Variants in ASAP1 observed in about 807,000 individuals in gnomAD.
The protein encoded by ASAP1 is ArfGAP with SH3 domain, ankyrin repeat and PH domain 1, also known as arf-GAP with SH3 domain, ANK repeat and PH domain-containing protein 1.
A neutral mutation model predicts 145.2 loss-of-function variants in ASAP1; 43 were observed. The observed-to-expected ratio is 0.30, with a 90% CI of 0.23 to 0.38. The LOEUF (loss-of-function observed/expected upper bound fraction) is 0.38. ASAP1 is among the 10% of genes least tolerant of loss of function. The pLI is 1.00. For synonymous variants in ASAP1, 546 were observed against 515.5 expected (o/e 1.06, Z -0.80); for missense variants, 1,018 against 1,355.3 (o/e 0.75, Z 3.91).
chr8:130,161,570 G>GT (rs2136027798), intron 11 of ASAP1, among the ~76,000 whole-genome samples: 1 of 152,178 alleles, frequency 6.6e-6, no homozygotes, highest in East Asian at 1.9e-4. Flanking sequence ...TCTTGTGTAG[G>GT]TAACTGGGAG....
chr8:130,138,765 G>A (rs987385605), intron 13 of ASAP1, among the ~76,000 whole-genome samples: 1 of 151,352 alleles, frequency 6.6e-6, no homozygotes, highest in Non-Finnish European at 1.5e-5. Context: ...GAACTTGGGA[G>A]GTGGAGGTTG....
intron 9 of ASAP1, chr8:130,179,049 G>A (rs1216605070): frequency 2.3e-6 from 1 of 428,882 alleles, no homozygotes; most frequent in Non-Finnish European, 4.2e-6. Flanking sequence ...TTCTTGTAAG[G>A]AAGACAATAT....
intron 13 of ASAP1, among the ~76,000 whole-genome samples, chr8:130,141,144 G>T (rs190417918): frequency 3.4e-4 from 52 of 152,220 alleles, no homozygotes; most frequent in Non-Finnish European, 6.5e-4. Flanking sequence ...CTTTCATATT[G>T]TTTAAGTACA....
At chr8:130,239,603 C>A (rs1179855333) in intron 3 of ASAP1, among the ~76,000 whole-genome samples, 1 of 152,022 alleles carries the variant, frequency 6.6e-6, no homozygotes, top group East Asian at 1.9e-4. Context: ...TGAGATAAAC[C>A]TGAGTTTTAA....
chr8:130,342,746 C>G lies in ASAP1; in HGVS notation c.186+15271G>C, dbSNP rs527484666. On this transcript the variant is annotated intron_variant, in intron 3 of 29. Coordinates refer to ENST00000518721, the MANE Select transcript of ASAP1 (RefSeq NM_018482.4). ...ACTTGACTTTTAAAAAAGATGCCAA[C>G]TCTCAGAAACAAGTTAAAGTTGCTT... Among the ~76,000 whole-genome samples the G allele has an allele frequency of 6.9e-5, 5 of 72,500 alleles. No homozygotes were observed. The East Asian group carries it at 1.2e-3, about 17-fold the overall frequency. The allele number at this position is 72,500 out of a possible 152,430, so 47.6% of individuals were successfully genotyped here. A position where few individuals can be genotyped will look rare whatever the true frequency, so the allele number is the denominator to read the frequency against.
At chr8:130,303,677 T>A (rs567727777) in intron 3 of ASAP1, among the ~76,000 whole-genome samples, 1 of 152,258 alleles carries the variant, frequency 6.6e-6, no homozygotes, top group Admixed American at 6.5e-5. Flanking sequence ...AAAGGCTACA[T>A]ACTTTACTTT....
At chr8:130,202,845 A>G (rs1284778704) in intron 5 of ASAP1, among the ~76,000 whole-genome samples, 1 of 152,182 alleles carries the variant, frequency 6.6e-6, no homozygotes, top group East Asian at 1.9e-4. Context: ...CAGTTGCTTA[A>G]CATATCTGTG....
At chr8:130,167,133 A>G (rs1399680956) in intron 11 of ASAP1, among the ~76,000 whole-genome samples, 1 of 152,004 alleles carries the variant, frequency 6.6e-6, no homozygotes, top group Non-Finnish European at 1.5e-5. Flanking sequence ...GTCAAACTCC[A>G]TCTCTACAAA....
At chr8:130,351,906 C>A (rs1826018218) in intron 3 of ASAP1, among the ~76,000 whole-genome samples, 1 of 152,220 alleles carries the variant, frequency 6.6e-6, no homozygotes, top group South Asian at 2.1e-4. Context: ...AGGCTTGTGC[C>A]TTGTTTTAGA....
intron 26 of ASAP1, among the ~76,000 whole-genome samples, chr8:130,078,445 C>T (rs1383030773): frequency 6.6e-6 from 1 of 151,970 alleles, no homozygotes; most frequent in Non-Finnish European, 1.5e-5. Flanking sequence ...TACCACCATA[C>T]CCGGCTGATT....
intron 3 of ASAP1, among the ~76,000 whole-genome samples, chr8:130,349,223 G>C (rs1825860110): frequency 6.6e-6 from 1 of 152,184 alleles, no homozygotes; most frequent in Admixed American, 6.5e-5. Flanking sequence ...AAAGTGTTTG[G>C]TGTTGCCCTA....
chr8:130,306,790 T>C (rs1823020682), intron 3 of ASAP1, among the ~76,000 whole-genome samples: 1 of 152,258 alleles, frequency 6.6e-6, no homozygotes, highest in Non-Finnish European at 1.5e-5. Context: ...TAACTTAACA[T>C]GTATTTGTAT....
At chr8:130,215,637 G>A (rs1001122383) in intron 4 of ASAP1, among the ~76,000 whole-genome samples, 27 of 152,026 alleles carry the variant, frequency 1.8e-4, no homozygotes, top group African/African-American at 6.3e-4. Context: ...CCAGCTACTC[G>A]GGAGGCGGAG....
At chr8:130,143,720 A>G (rs2097619176) in intron 13 of ASAP1, among the ~76,000 whole-genome samples, 1 of 152,226 alleles carries the variant, frequency 6.6e-6, no homozygotes, top group South Asian at 2.1e-4. Context: ...GTCAATCCCA[A>G]TTAATGTTTC....
intron 18 of ASAP1, among the ~76,000 whole-genome samples, chr8:130,122,986 G>C (rs1490764209): frequency 6.6e-6 from 1 of 152,234 alleles, no homozygotes; most frequent in Non-Finnish European, 1.5e-5. Flanking sequence ...AGCTGGTAAA[G>C]TAAAACTTAG....
intron 3 of ASAP1, among the ~76,000 whole-genome samples, chr8:130,276,728 A>ACTCTCTCTCTCTCTCT (rs10678909): frequency 2.9e-4 from 25 of 87,308 alleles, no homozygotes; most frequent in Middle Eastern, 8.6e-3. Context: ...ACACACACAC[A>ACTCTCTCTCTCTCTCT]CTCTCTCTCT....
intron 3 of ASAP1, 146 bp downstream of exon 3, chr8:130,357,871 G>A (rs934154037): frequency 7.1e-6 from 8 of 1,132,230 alleles, no homozygotes; most frequent in Non-Finnish European, 9.8e-6. Flanking sequence ...CCGCCCGTCC[G>A]AAGTCCCTTA....
chr8:130,221,486 TC>T (rs1817292631), intron 4 of ASAP1, among the ~76,000 whole-genome samples: 1 of 152,116 alleles, frequency 6.6e-6, no homozygotes, highest in South Asian at 2.1e-4. Context: ...TCTATTTGTT[TC>T]CCCCTTATAT....
intron 28 of ASAP1, 112 bp downstream of exon 28, chr8:130,060,467 G>T: frequency 7.2e-7 from 1 of 1,382,874 alleles, no homozygotes; most frequent in Non-Finnish European, 9.8e-7. Flanking sequence ...GCACATAAGG[G>T]TCAGGTGAGC....
Sources: allele counts gnomAD v4.1 joint callset (sites outside exome capture counted in the v4.1 genomes callset), GRCh38; gene constraint gnomAD v4.1.1; transcripts MANE v1.5; gene names NCBI Gene and HGNC (gene_info 2026-07-23, HGNC 2026-07-21).